Variants in ZMYND11 observed in about 807,000 individuals in gnomAD.
ZMYND11 encodes zinc finger MYND-type containing 11, also known as zinc finger MYND domain-containing protein 11.
Under a neutral mutation model 84.9 loss-of-function variants are expected in ZMYND11, and 9 were observed. The observed-to-expected ratio is 0.11, with a 90% CI of 0.06 to 0.18. The LOEUF (loss-of-function observed/expected upper bound fraction) is 0.18, where lower values mean the gene tolerates loss of function less well. ZMYND11 is among the 10% of genes least tolerant of loss of function. The pLI is 1.00. For synonymous variants in ZMYND11, 250 were observed against 244.1 expected (o/e 1.02, Z -0.23); for missense variants, 409 against 761.0 (o/e 0.54, Z 5.44).
intron 2 of ZMYND11, among the ~76,000 whole-genome samples, chr10:207,303 G>T (rs1462498867): frequency 4.6e-5 from 7 of 152,148 alleles, no homozygotes; most frequent in Non-Finnish European, 8.8e-5. Flanking sequence ...AAACATACAT[G>T]TGCATGTGTC....
Position 252,261 on chromosome 10 carries a change from A to G in ZMYND11, c.1687-87A>G, listed in dbSNP as rs1953670255. ...GGTTGAGCCAGAAAGATCTTTTAAA[A>G]GCACCACCTCAAGAGTTTGCCATTT... On this transcript the variant is annotated intron_variant, in intron 14 of 14. Coordinates refer to ENST00000381604, the MANE Select transcript of ZMYND11 (RefSeq NM_001370100.5). The surrounding 1 kb of genome is among the most constrained non-coding windows in gnomAD (Gnocchi z 4.6). The G allele has an allele frequency of 3.4e-6, 5 of 1,480,366 alleles. No individual in the cohort carries two copies. The Admixed American group carries it at 9.8e-5, about 29-fold the overall frequency. The allele number at this position is 1,480,366 out of a possible 1,614,324, so 91.7% of individuals were successfully genotyped here.
chr10:169,789 T>A (rs1372794980), intron 1 of ZMYND11, among the ~76,000 whole-genome samples: 2 of 152,036 alleles, frequency 1.3e-5, no homozygotes, highest in Non-Finnish European at 2.9e-5. Context: ...CAACAGAATA[T>A]TCAAGAACTA....
chr10:235,621 A>C (rs573479496), intron 4 of ZMYND11, among the ~76,000 whole-genome samples: 2 of 152,138 alleles, frequency 1.3e-5, no homozygotes, highest in South Asian at 4.2e-4. Flanking sequence ...CGTTGTATAA[A>C]AGTTTAGTCC....
intron 3 of ZMYND11, chr10:218,512 T>C: frequency 5.2e-6 from 2 of 384,382 alleles, no homozygotes; most frequent in South Asian, 2.1e-5. Context: ...GAACTAATTT[T>C]GCACTATGTT....
intron 1 of ZMYND11, among the ~76,000 whole-genome samples, chr10:165,952 A>G (rs1425215118): frequency 6.6e-6 from 1 of 152,142 alleles, no homozygotes; most frequent in Non-Finnish European, 1.5e-5. Context: ...AAATAAACCC[A>G]TACATCTATG....
chr10:137,791 A>G (rs1449323751), intron 1 of ZMYND11, among the ~76,000 whole-genome samples: 1 of 152,216 alleles, frequency 6.6e-6, no homozygotes, highest in Non-Finnish European at 1.5e-5. Context: ...ACTCATCTTT[A>G]TAAGATGACC....
At chr10:195,806 A>G (rs1941594938) in intron 2 of ZMYND11, among the ~76,000 whole-genome samples, 1 of 152,174 alleles carries the variant, frequency 6.6e-6, no homozygotes, top group Non-Finnish European at 1.5e-5. Flanking sequence ...CTAACATAGG[A>G]GGTGATTTAA....
chr10:167,191 A>T (rs1282120761), intron 1 of ZMYND11, among the ~76,000 whole-genome samples: 14 of 152,152 alleles, frequency 9.2e-5, no homozygotes, highest in African/African-American at 3.4e-4. Context: ...AATGTAAAGT[A>T]GTTAGTGCTG....
At chr10:249,763 A>G (rs940574281) in intron 14 of ZMYND11, 8 of 985,132 alleles carry the variant, frequency 8.1e-6, no homozygotes, top group Non-Finnish European at 9.6e-6. Flanking sequence ...CAGTTTTAAT[A>G]AATGACTATA....
intron 2 of ZMYND11, among the ~76,000 whole-genome samples, chr10:183,251 A>T: frequency 6.8e-6 from 1 of 147,408 alleles, no homozygotes; most frequent in Non-Finnish European, 1.5e-5. Context: ...GAACTGATTG[A>T]AGAAACCTGG....
At chr10:198,296 A>C (rs1052785441) in intron 2 of ZMYND11, among the ~76,000 whole-genome samples, 26 of 152,288 alleles carry the variant, frequency 1.7e-4, no homozygotes, top group African/African-American at 4.8e-4. Context: ...TTACCAGTTT[A>C]AATATGGTCA....
At chr10:191,747 C>T (rs968113320) in intron 2 of ZMYND11, among the ~76,000 whole-genome samples, 5 of 152,112 alleles carry the variant, frequency 3.3e-5, no homozygotes, top group African/African-American at 7.2e-5. Context: ...TTTCTCTACC[C>T]GAATTCAAAT....
intron 14 of ZMYND11, among the ~76,000 whole-genome samples, chr10:251,983 G>A (rs1953586144): frequency 6.6e-6 from 1 of 152,296 alleles, no homozygotes; most frequent in African/African-American, 2.4e-5. Context: ...ATTTGAAATA[G>A]GGAGTTTAGG....
intron 2 of ZMYND11, among the ~76,000 whole-genome samples, chr10:188,168 A>C (rs940266812): frequency 3.3e-5 from 5 of 152,140 alleles, no homozygotes; most frequent in African/African-American, 4.8e-5. Flanking sequence ...AAATATTTAT[A>C]AAATATTTTT....
intron 2 of ZMYND11, among the ~76,000 whole-genome samples, chr10:209,003 ATGTG>A (rs572756224): frequency 6.6e-6 from 1 of 150,628 alleles, no homozygotes; most frequent in East Asian, 1.9e-4. Flanking sequence ...ATTGACATTG[ATGTG>A]TGTGTGTGTG....
chr10:192,291 C>T (rs775796344), intron 2 of ZMYND11, among the ~76,000 whole-genome samples: 1 of 152,166 alleles, frequency 6.6e-6, no homozygotes, highest in Non-Finnish European at 1.5e-5. Context: ...AAGTGTGAGG[C>T]ACTGGACTAC....
chr10:241,988 G>A (rs1300954579), intron 9 of ZMYND11, 33 bp from the exon 10 acceptor site: 2 of 1,608,322 alleles, frequency 1.2e-6, no homozygotes, highest in African/African-American at 1.3e-5. Flanking sequence ...TACTTTAAAA[G>A]TAATATAACA....
At chr10:130,924 C>T (rs186785067), upstream of ZMYND11, among the ~76,000 whole-genome samples, 472 of 152,114 alleles carry the variant, frequency 3.1e-3, no homozygotes, top group Non-Finnish European at 5.2e-3. Context: ...TCGAGACCAG[C>T]GTAAGCAACA....
At chr10:201,507 T>C (rs1278771846) in intron 2 of ZMYND11, among the ~76,000 whole-genome samples, 1 of 152,000 alleles carries the variant, frequency 6.6e-6, no homozygotes, top group Non-Finnish European at 1.5e-5. Context: ...AGTAGGTAAT[T>C]ACTTTCAGGA....
Sources: gnomAD v4.1 joint callset for allele counts (sites outside exome capture counted in the v4.1 genomes callset) on GRCh38, gnomAD v4.1.1 for gene constraint, Gnocchi (gnomAD v3.1) non-coding constraint, MANE v1.5 for transcripts, NCBI Gene and HGNC (gene_info 2026-07-23, HGNC 2026-07-21) for gene names.